Variants in RHPN2 observed in about 807,000 individuals in gnomAD.
RHPN2 encodes the protein rhophilin Rho GTPase binding protein 2.
Under a neutral mutation model 79.0 loss-of-function variants are expected in RHPN2, and 40 were observed. The observed-to-expected ratio is 0.51, with a 90% confidence interval of 0.39 to 0.66. RHPN2 has a LOEUF of 0.66. Among genes scored for constraint, RHPN2 ranks in the 30% least tolerant of loss-of-function variants. RHPN2 has a pLI of 0.00. For synonymous variants in RHPN2, 285 were observed against 363.5 expected (o/e 0.78, Z 2.46); for missense variants, 686 against 883.5 (o/e 0.78, Z 2.83).
intron 7 of RHPN2, 54 bp from the exon 8 acceptor site, chr19:33,003,054 C>T (rs1272989743): frequency 5.9e-6 from 9 of 1,537,654 alleles, no homozygotes; most frequent in African/African-American, 1.4e-5. Context: ...TACTTCATCA[C>T]GTTGCTATAG....
At chr19:33,027,752 CA>C (rs1427978272) in intron 2 of RHPN2, among the ~76,000 whole-genome samples, 3 of 151,552 alleles carry the variant, frequency 2.0e-5, no homozygotes, top group South Asian at 2.1e-4. Flanking sequence ...GAATAAAGGA[CA>C]AAAAAACACA....
intron 1 of RHPN2, among the ~76,000 whole-genome samples, chr19:33,062,245 G>T (rs778596518): frequency 1.3e-5 from 2 of 152,126 alleles, no homozygotes; most frequent in Non-Finnish European, 2.9e-5. Flanking sequence ...TGGATCACCT[G>T]AGGTCAGGAG....
At chr19:33,051,384 G>A (rs984189800) in intron 1 of RHPN2, 1 of 152,798 alleles carries the variant, frequency 6.5e-6, no homozygotes, top group African/African-American at 2.4e-5. Context: ...GCAGCACCTA[G>A]ACAAAGCCCA....
intron 2 of RHPN2, among the ~76,000 whole-genome samples, chr19:33,043,739 G>C: frequency 6.6e-6 from 1 of 152,156 alleles, no homozygotes; most frequent in East Asian, 1.9e-4. Flanking sequence ...TGCTGGGTAA[G>C]TAACTGTTTT....
intron 14 of RHPN2, among the ~76,000 whole-genome samples, chr19:32,989,707 C>T (rs1251971219): frequency 2.0e-5 from 3 of 152,080 alleles, no homozygotes; most frequent in South Asian, 2.1e-4. Flanking sequence ...CAGTGGCTCA[C>T]GCCTGTAATC....
chr19:33,021,799 T>G (rs1971926447), intron 3 of RHPN2, among the ~76,000 whole-genome samples, 153 bp from the exon 4 acceptor site: 1 of 152,048 alleles, frequency 6.6e-6, no homozygotes, highest in Admixed American at 6.6e-5. Context: ...TCCATAAGGA[T>G]GACTCTGGTC....
intron 3 of RHPN2, among the ~76,000 whole-genome samples, chr19:33,024,894 G>C (rs1971953816): frequency 6.6e-6 from 1 of 152,078 alleles, no homozygotes; most frequent in Admixed American, 6.6e-5. Flanking sequence ...TGAGACTACA[G>C]GTGTGCACCA....
At chr19:32,992,713 A>AG (rs913296125) in intron 12 of RHPN2, among the ~76,000 whole-genome samples, 15 of 151,242 alleles carry the variant, frequency 9.9e-5, no homozygotes, top group African/African-American at 3.4e-4. Flanking sequence ...CAGGCTGCTG[A>AG]GGCAGGAGGA....
intron 2 of RHPN2, among the ~76,000 whole-genome samples, chr19:33,031,423 C>G (rs1195390140): frequency 1.3e-5 from 2 of 152,078 alleles, no homozygotes; most frequent in East Asian, 3.9e-4. Context: ...CCACACCCGG[C>G]TAATTTTTGT....
At chr19:32,999,174 G>C (rs1008111574) in intron 10 of RHPN2, among the ~76,000 whole-genome samples, 1 of 151,992 alleles carries the variant, frequency 6.6e-6, no homozygotes, top group Non-Finnish European at 1.5e-5. Context: ...GTGGAGGTGA[G>C]GTCTGCACAT....
At chr19:32,983,279 A>G (rs190196256) in intron 14 of RHPN2, among the ~76,000 whole-genome samples, 39 of 152,000 alleles carry the variant, frequency 2.6e-4, no homozygotes, top group East Asian at 1.9e-3. Flanking sequence ...TTGGGAGGCC[A>G]AGGCGGGCAG....
At chr19:33,031,743 G>A (rs1397951862) in intron 2 of RHPN2, among the ~76,000 whole-genome samples, 3 of 151,952 alleles carry the variant, frequency 2.0e-5, no homozygotes, top group African/African-American at 2.4e-5. Context: ...GTGCAGTGGC[G>A]TGATCTTGGC....
chr19:33,043,892 C>T (rs1279717935), intron 2 of RHPN2, among the ~76,000 whole-genome samples: 1 of 152,016 alleles, frequency 6.6e-6, no homozygotes, highest in Non-Finnish European at 1.5e-5. Context: ...AAACATTTAC[C>T]AAGCAAATTC....
intron 2 of RHPN2, among the ~76,000 whole-genome samples, chr19:33,028,170 T>TTC (rs1405729548): frequency 6.6e-6 from 1 of 151,816 alleles, no homozygotes; most frequent in Admixed American, 6.6e-5. Context: ...TTTTTTTTTT[T>TTC]TCTCTAGACA....
intron 2 of RHPN2, among the ~76,000 whole-genome samples, chr19:33,028,024 G>T (rs1383384906): frequency 6.6e-6 from 1 of 151,818 alleles, no homozygotes; most frequent in African/African-American, 2.4e-5. Context: ...TAGAAAGGAA[G>T]AAATAAAACT....
At chr19:33,034,652 ACCC>A (rs1972041860) in intron 2 of RHPN2, among the ~76,000 whole-genome samples, 1 of 147,516 alleles carries the variant, frequency 6.8e-6, no homozygotes, top group Non-Finnish European at 1.5e-5. Flanking sequence ...ATGGTGGCAC[ACCC>A]CTGTAGTCCC....
At chr19:33,063,348 C>T (rs1972298038) in intron 1 of RHPN2, among the ~76,000 whole-genome samples, 1 of 152,062 alleles carries the variant, frequency 6.6e-6, no homozygotes, top group African/African-American at 2.4e-5. Context: ...CTGCCCAGGG[C>T]TCCTCACCAG....
At chr19:33,054,748 G>T (rs908051738) in intron 1 of RHPN2, among the ~76,000 whole-genome samples, 1 of 152,240 alleles carries the variant, frequency 6.6e-6, no homozygotes, top group East Asian at 1.9e-4. Flanking sequence ...GTCACGGGAC[G>T]CTGGTACCTG....
intron 4 of RHPN2, among the ~76,000 whole-genome samples, chr19:33,015,667 T>C (rs1301595572): frequency 7.2e-5 from 11 of 152,142 alleles, no homozygotes; most frequent in Non-Finnish European, 1.5e-4. Context: ...TTCAATAAAG[T>C]GGCAAAGAAT....
Sources: gnomAD v4.1 joint callset for allele counts (sites outside exome capture counted in the v4.1 genomes callset) on GRCh38, gnomAD v4.1.1 for gene constraint, MANE v1.5 for transcripts, NCBI Gene and HGNC (gene_info 2026-07-23, HGNC 2026-07-21) for gene names.